Variants in MBNL2 observed in about 807,000 individuals in gnomAD.
MBNL2 encodes muscleblind-like protein 2.
A neutral mutation model predicts 41.9 loss-of-function variants in MBNL2; 17 were observed. The ratio of observed to expected loss-of-function variants is 0.41; its 90% CI spans 0.28 to 0.61. The LOEUF is 0.61. Among genes scored for constraint, MBNL2 ranks in the 20% least tolerant of loss-of-function variants. MBNL2 has a pLI of 0.35. For missense variants in MBNL2, 336 were observed against 505.6 expected (o/e 0.66, Z 3.22); for synonymous variants, 195 against 182.9 (o/e 1.07, Z -0.53).
chr13:97,271,304 C>T (rs1319166253), intron 1 of MBNL2, among the ~76,000 whole-genome samples: 4 of 151,848 alleles, frequency 2.6e-5, no homozygotes, highest in Admixed American at 6.6e-5. Flanking sequence ...GACAGGGTTT[C>T]GCCATGTTGG....
At chr13:97,168,969 C>T in the MBNL2 span, among the ~76,000 whole-genome samples, 1 of 152,036 alleles carries the variant, frequency 6.6e-6, no homozygotes, top group African/African-American at 2.4e-5. Context: ...AGAAGGTGTC[C>T]CAAATCACCA....
upstream of MBNL2, among the ~76,000 whole-genome samples, chr13:97,218,440 C>CAAAACAAACAA (rs55815508): frequency 1.1e-4 from 13 of 117,968 alleles, no homozygotes; most frequent in African/African-American, 3.1e-4. Flanking sequence ...CAAAACAAAA[C>CAAAACAAACAA]AAAAAAAAAA....
At chr13:97,271,461 AAAAACAAAAC>A (rs957619659) in intron 1 of MBNL2, among the ~76,000 whole-genome samples, 1 of 149,074 alleles carries the variant, frequency 6.7e-6, no homozygotes, top group African/African-American at 2.6e-5. Context: ...AAAACAAACA[AAAAACAAAAC>A]AAAAAAAAAC....
At position 97,346,511 on chromosome 13, in the gene MBNL2, AG is replaced by A. The variant is rs1286400306; in HGVS notation, c.541-290del. Reference sequence around the variant, plus strand: ...TAGACAGCTGCATAATATGCTACCCAGGGACAATGGAGGCCTTGTTGCTTTT... The same window carrying A: ...TAGACAGCTGCATAATATGCTACCCAGGACAATGGAGGCCTTGTTGCTTTT... On this transcript the variant is annotated intron_variant, in intron 4 of 8. Coordinates refer to ENST00000679496, the MANE Select transcript of MBNL2 (RefSeq NM_001382683.1). This position sits in a 1 kb window ranked among gnomAD's most constrained non-coding sequence, Gnocchi z 4.2. Among the ~76,000 whole-genome samples, 2 of 152,240 alleles carry A rather than the reference AG, an allele frequency of 1.3e-5. No homozygotes were observed. The highest frequency in any genetic ancestry group is 4.8e-5 in the African/African-American group (2 of 41,462).
chr13:97,152,840 A>G, the MBNL2 span, among the ~76,000 whole-genome samples: 4 of 152,182 alleles, frequency 2.6e-5, no homozygotes, highest in African/African-American at 4.8e-5. Flanking sequence ...CACTGGATCC[A>G]AGAAACAAGT....
chr13:97,235,284 G>C (rs2043063025), intron 1 of MBNL2, among the ~76,000 whole-genome samples: 1 of 152,038 alleles, frequency 6.6e-6, no homozygotes, highest in Admixed American at 6.6e-5. Context: ...GATTTGCCAG[G>C]CCAAAAATTT....
intron 7 of MBNL2, among the ~76,000 whole-genome samples, chr13:97,362,008 G>C (rs1288682882): frequency 6.6e-6 from 1 of 151,874 alleles, no homozygotes; most frequent in Non-Finnish European, 1.5e-5. Flanking sequence ...CCTTGACCTT[G>C]TGATCCACCC....
At chr13:97,157,793 T>C in the MBNL2 span, among the ~76,000 whole-genome samples, 1 of 151,630 alleles carries the variant, frequency 6.6e-6, no homozygotes, top group Non-Finnish European at 1.5e-5. Flanking sequence ...TGGATTTGGT[T>C]TGCCAGTATT....
At chr13:97,159,007 C>T in the MBNL2 span, among the ~76,000 whole-genome samples, 1 of 150,176 alleles carries the variant, frequency 6.7e-6, no homozygotes, top group Non-Finnish European at 1.5e-5. Flanking sequence ...GTTAAAGTCT[C>T]CCATTATTAA....
At chr13:97,182,771 T>C in the MBNL2 span, among the ~76,000 whole-genome samples, 1 of 152,170 alleles carries the variant, frequency 6.6e-6, no homozygotes, top group African/African-American at 2.4e-5. Flanking sequence ...TTTTTGTTGG[T>C]GGTGGTTGTT....
At chr13:97,343,824 G>C (rs1370924455) in intron 4 of MBNL2, among the ~76,000 whole-genome samples, 1 of 152,210 alleles carries the variant, frequency 6.6e-6, no homozygotes, top group Non-Finnish European at 1.5e-5. Flanking sequence ...GTTTGGTTTT[G>C]AGACGTAGTT....
chr13:97,307,346 G>A (rs1168363766), intron 2 of MBNL2, among the ~76,000 whole-genome samples: 1 of 151,474 alleles, frequency 6.6e-6, no homozygotes, highest in African/African-American at 2.4e-5. Context: ...GCCTTAAATT[G>A]GTTCCAGTTG....
At chr13:97,174,839 C>T in the MBNL2 span, among the ~76,000 whole-genome samples, 2 of 151,694 alleles carry the variant, frequency 1.3e-5, no homozygotes, top group African/African-American at 4.8e-5. Flanking sequence ...TGAGTCACTA[C>T]CCTGGAAAAA....
At chr13:97,202,900 C>T in the MBNL2 span, among the ~76,000 whole-genome samples, 20 of 152,312 alleles carry the variant, frequency 1.3e-4, no homozygotes, top group African/African-American at 4.3e-4. Context: ...GGACAATGTG[C>T]TGTCTGTCAC....
intron 1 of MBNL2, among the ~76,000 whole-genome samples, chr13:97,270,169 A>C (rs2050665982): frequency 6.6e-6 from 1 of 152,206 alleles, no homozygotes; most frequent in African/African-American, 2.4e-5. Flanking sequence ...TAATAGAAGA[A>C]ATGCAAAAGC....
chr13:97,155,394 AT>A, the MBNL2 span, among the ~76,000 whole-genome samples: 1,749 of 115,282 alleles, frequency 0.015, 11 homozygotes, highest in Middle Eastern at 0.03. Context: ...TTTTTTTTTT[AT>A]TTTTTTTTTT....
upstream of MBNL2, among the ~76,000 whole-genome samples, chr13:97,218,440 C>CAAAACAAACA (rs55815508): frequency 4.6e-3 from 538 of 117,974 alleles, 8 homozygotes; most frequent in East Asian, 0.019. Context: ...CAAAACAAAA[C>CAAAACAAACA]AAAAAAAAAA....
intron 5 of MBNL2, among the ~76,000 whole-genome samples, chr13:97,349,565 T>C (rs1348192869): frequency 6.6e-6 from 1 of 152,216 alleles, no homozygotes; most frequent in Non-Finnish European, 1.5e-5. Flanking sequence ...GCTCTGTCAG[T>C]CACCCAGGTT....
rs191238822 is a variant in MBNL2, at chr13:97,251,260, G to A, written c.-604-24372G>A. ...AAAAATAACTAAAGGGGTATAATTCGAATGTTTGTAACATGGAGAAAGGAT... is the reference window on the plus strand; with the variant it reads ...AAAAATAACTAAAGGGGTATAATTCAAATGTTTGTAACATGGAGAAAGGAT... On this transcript the variant is annotated intron_variant, in intron 1 of 8. Coordinates refer to ENST00000679496, the MANE Select transcript of MBNL2 (RefSeq NM_001382683.1). 5.3e-5 allele frequency among the ~76,000 whole-genome samples: 8 copies of A among 151,480 alleles called. No homozygotes were observed. In the East Asian group the frequency reaches 1.4e-3, roughly 26 times the overall value.
Sources: gnomAD v4.1 joint callset for allele counts (sites outside exome capture counted in the v4.1 genomes callset) on GRCh38, gnomAD v4.1.1 for gene constraint, Gnocchi (gnomAD v3.1) non-coding constraint, MANE v1.5 for transcripts, NCBI Gene and HGNC (gene_info 2026-07-23, HGNC 2026-07-21) for gene names.